STT3A: variants seen among roughly 807,000 people sequenced by gnomAD.
STT3A encodes STT3 oligosaccharyltransferase complex catalytic subunit A.
A neutral mutation model predicts 89.2 loss-of-function variants in STT3A; 34 were observed. That is an observed-to-expected ratio of 0.38 (90% CI 0.29 to 0.51). The LOEUF (loss-of-function observed/expected upper bound fraction) is 0.51, where lower values mean the gene tolerates loss of function less well. STT3A is among the 20% of genes least tolerant of loss of function. The pLI, the probability that STT3A is intolerant of heterozygous loss-of-function variation, is 0.89. For synonymous variants in STT3A, 282 were observed against 310.3 expected (o/e 0.91, Z 0.96); for missense variants, 555 against 889.5 (o/e 0.62, Z 4.78).
upstream of STT3A, chr11:125,592,818 G>T (rs571430677): frequency 5.6e-5 from 10 of 177,288 alleles, no homozygotes; most frequent in South Asian, 8.3e-4. Flanking sequence ...CAGCCAACGG[G>T]GGAGCGGTCC....
intron 4 of STT3A, 99 bp from the exon 5 acceptor site, chr11:125,602,704 A>G (rs1017883593): frequency 6.7e-7 from 1 of 1,489,140 alleles, no homozygotes; most frequent in African/African-American, 1.4e-5. Context: ...TGATTTGTCA[A>G]GACTTACATA....
chr11:125,602,213 T>G, intron 3 of STT3A, 90 bp from the exon 4 acceptor site: 1 of 1,459,614 alleles, frequency 6.9e-7, no homozygotes, highest in Non-Finnish European at 9.3e-7. Flanking sequence ...TAAACTGATT[T>G]TTCATTGAGT....
chr11:125,608,568 C>T (rs888845422), intron 9 of STT3A, among the ~76,000 whole-genome samples: 10 of 152,304 alleles, frequency 6.6e-5, no homozygotes, highest in East Asian at 3.9e-4. Flanking sequence ...TCAGGTGATC[C>T]GCCCGCCTCG....
intron 1 of STT3A, chr11:125,593,751 T>C (rs1008859307): frequency 2.0e-5 from 3 of 152,260 alleles, no homozygotes; most frequent in Admixed American, 6.5e-5. Flanking sequence ...GGGACTATAC[T>C]TAAACACATT....
chr11:125,597,741 T>TA (rs1939538548), intron 3 of STT3A, among the ~76,000 whole-genome samples: 1 of 152,242 alleles, frequency 6.6e-6, no homozygotes, highest in South Asian at 2.1e-4. Context: ...AACTCAAAGT[T>TA]ATCAGTTTGA....
chr11:125,618,269 A>G lies in STT3A; in HGVS notation c.1775-104A>G, dbSNP rs1035692055. The stretch of plus-strand genomic sequence containing the variant: ...TTACAAATTAGAGTTAAATGATACC[A>G]ATCCCCATTAAAAAAATGTTGAGGA... On this transcript the variant is annotated intron_variant, in intron 15 of 17. Coordinates refer to ENST00000392708, the MANE Select transcript of STT3A (RefSeq NM_152713.5). 1.6e-5 allele frequency: 17 copies of G among 1,056,528 alleles called. No homozygotes were observed. The East Asian group carries it at 4.4e-4, about 27-fold the overall frequency. 65.4% of individuals were successfully genotyped at this position (1,056,528 alleles called of 1,614,324 possible).
In STT3A at chr11:125,605,566, A is replaced by G; in HGVS notation, c.509-63A>G. 2.6e-5 allele frequency: 31 copies of G among 1,212,604 alleles called. 1 individual carries two copies. The South Asian group carries it at 4.0e-4, about 16-fold the overall frequency. The allele number at this position is 1,212,604 out of a possible 1,614,324, so 75.1% of individuals were successfully genotyped here. On this transcript the variant is annotated intron_variant, in intron 6 of 17. Transcript: ENST00000392708. ...AGATCCAGGCAGTCTGTTCCAGAAC[A>G]GTATTCTTAATGACTATACTAGCCT...
At position 125,614,955 on chromosome 11, in the gene STT3A, G is replaced by T. The variant is rs1940133492; in HGVS notation, c.1774+529G>T. 6.6e-6 allele frequency among the ~76,000 whole-genome samples: 1 copy of T among 152,088 alleles called. No homozygotes were observed. Among genetic ancestry groups the T allele is most frequent in the Non-Finnish European group, 1.5e-5 (1 of 68,022 alleles). ...ATAGTTATCTGCCTTAAAAGTTAAT[G>T]TAATGCCTGTTTACACTTTAAAAAG... is the stretch of plus-strand genomic sequence containing the variant. On this transcript the variant is annotated intron_variant, in intron 15 of 17. Coordinates refer to ENST00000392708, the MANE Select transcript of STT3A (RefSeq NM_152713.5). This position sits in a 1 kb window ranked among gnomAD's most constrained non-coding sequence, Gnocchi z 4.9.
intron 16 of STT3A, 96 bp downstream of exon 16, chr11:125,618,657 G>A (rs1565353055): frequency 8.2e-7 from 1 of 1,224,186 alleles, no homozygotes; most frequent in Admixed American, 2.4e-5. Context: ...AGTGCTTTGT[G>A]TCTGTTAACT....
rs1421626944 is a variant in STT3A, at chr11:125,613,471, A to G, written c.1554+294A>G. Among the ~76,000 whole-genome samples the G allele has an allele frequency of 1.3e-5, 2 of 152,250 alleles. No homozygotes were observed. Among genetic ancestry groups the G allele is most frequent in the African/African-American group, 4.8e-5 (2 of 41,472 alleles). On this transcript the variant is annotated intron_variant, in intron 13 of 17. Coordinates refer to ENST00000392708, the MANE Select transcript of STT3A (RefSeq NM_152713.5). This position sits in a 1 kb window ranked among gnomAD's most constrained non-coding sequence, Gnocchi z 4.2. ...AGAAGAAAAAAGTTATAGATAAATA[A>G]TACATGTTCACTTTAGAAAAATCAG...
intron 3 of STT3A, among the ~76,000 whole-genome samples, chr11:125,600,614 T>A (rs1939644018): frequency 6.6e-6 from 1 of 152,116 alleles, no homozygotes. Flanking sequence ...CCACCTGCCT[T>A]GGCCTACTAA....
intron 15 of STT3A, among the ~76,000 whole-genome samples, chr11:125,615,634 T>TA (rs1378826928): frequency 6.6e-6 from 1 of 152,258 alleles, no homozygotes; most frequent in Non-Finnish European, 1.5e-5. Context: ...ATAGGTTATA[T>TA]ACAAATACTA....
At chr11:125,605,855 A>C in intron 7 of STT3A, 120 bp downstream of exon 7, 2 of 794,976 alleles carry the variant, frequency 2.5e-6, no homozygotes, top group South Asian at 3.8e-5. Context: ...TTTCTTTTCC[A>C]GTATATTTTT....
intron 3 of STT3A, among the ~76,000 whole-genome samples, chr11:125,601,495 C>T (rs1192084472): frequency 6.6e-6 from 1 of 152,026 alleles, no homozygotes; most frequent in Non-Finnish European, 1.5e-5. Flanking sequence ...GTGGCGAGCG[C>T]CTGTAATCCC....
intron 3 of STT3A, among the ~76,000 whole-genome samples, chr11:125,602,051 A>G (rs535905596): frequency 8.6e-5 from 13 of 151,722 alleles, no homozygotes; most frequent in Non-Finnish European, 1.8e-4. Flanking sequence ...CCTGCCTCGG[A>G]CTCCTAAAGT....
chr11:125,600,607 C>T (rs1291179813), intron 3 of STT3A, among the ~76,000 whole-genome samples: 1 of 151,854 alleles, frequency 6.6e-6, no homozygotes, highest in Non-Finnish European at 1.5e-5. Flanking sequence ...AAGTGATCCA[C>T]CTGCCTTGGC....
chr11:125,599,727 T>TTAG (rs1436840208), intron 3 of STT3A, among the ~76,000 whole-genome samples: 1 of 147,956 alleles, frequency 6.8e-6, no homozygotes, highest in East Asian at 2.0e-4. Context: ...TTTTTATTTA[T>TTAG]TATTATTATT....
chr11:125,612,867 A>C (rs938057000), intron 12 of STT3A, 120 bp downstream of exon 12: 47 of 1,509,328 alleles, frequency 3.1e-5, no homozygotes, highest in Non-Finnish European at 4.2e-5. Flanking sequence ...GTCAGAATTA[A>C]CTCATATAGC....
At chr11:125,617,034 A>G (rs907076013) in intron 15 of STT3A, among the ~76,000 whole-genome samples, 3 of 152,074 alleles carry the variant, frequency 2.0e-5, no homozygotes, top group Non-Finnish European at 4.4e-5. Flanking sequence ...TGCTTCAGAC[A>G]TACCTGCCAG....
Sources: allele counts gnomAD v4.1 joint callset (sites outside exome capture counted in the v4.1 genomes callset), GRCh38; gene constraint gnomAD v4.1.1; non-coding constraint Gnocchi (gnomAD v3.1); transcripts MANE v1.5; gene names NCBI Gene and HGNC (gene_info 2026-07-23, HGNC 2026-07-21).